CRLS1: variants seen among roughly 807,000 people sequenced by gnomAD.
CRLS1 encodes cardiolipin synthase 1.
Under a neutral mutation model 37.0 loss-of-function variants are expected in CRLS1, and 24 were observed. The ratio of observed to expected loss-of-function variants is 0.65; its 90% CI spans 0.47 to 0.91. The LOEUF (loss-of-function observed/expected upper bound fraction) is 0.91. Among genes scored for constraint, CRLS1 ranks in the 40% least tolerant of loss-of-function variants. The probability of loss-of-function intolerance (pLI) is 0.00; values close to 1 mark genes in which losing one functional copy is unlikely to be tolerated. For missense variants in CRLS1, 373 were observed against 395.8 expected, an observed-to-expected ratio of 0.94 and a Z score of 0.49; for synonymous variants, 135 against 159.7, an observed-to-expected ratio of 0.85 and a Z score of 1.17.
chr20:6,031,224 C>T, intron 3 of CRLS1, 61 bp from the exon 4 acceptor site: 1 of 1,058,134 alleles, frequency 9.5e-7, no homozygotes, highest in African/African-American at 1.6e-5. Context: ...TTATTGTATT[C>T]ATAATGCATA....
At position 6,034,471 on chromosome 20, in the gene CRLS1, C is replaced by G. The variant is rs774789705; in HGVS notation, c.737C>G (p.Thr246Arg). ...TTTTCTTTTTTTATTTAGGTGAATA[C>G]AGCAGTCCAGTTAATCTTGGTGGCA... is the stretch of plus-strand genomic sequence containing the variant. ...LKPTFISKVN[T>R]AVQLILVAAS... The change falls in exon 6 of 7, where the codon ACA (threonine) becomes AGA (arginine). Residue 246 changes from threonine to arginine, a missense_variant. Transcript: ENST00000378863. 1.9e-6 allele frequency: 3 copies of G among 1,611,154 alleles called. No homozygotes were observed. The highest frequency in any genetic ancestry group is 2.5e-6 in the Non-Finnish European group (3 of 1,178,840).
rs555806250 is a variant in CRLS1, at chr20:6,008,035, G to T, written c.306+1483G>T. ...TATTTAATTATCCCTCCAAGCTGAGGTGCTTTCTTGCTGGGTTTCTTTTAT... is the reference window on the plus strand; with the variant it reads ...TATTTAATTATCCCTCCAAGCTGAGTTGCTTTCTTGCTGGGTTTCTTTTAT... On this transcript the variant is annotated intron_variant, in intron 1 of 6. Coordinates refer to ENST00000378863, the MANE Select transcript of CRLS1 (RefSeq NM_019095.6). 2.1e-3 allele frequency among the ~76,000 whole-genome samples: 314 copies of T among 151,218 alleles called. 2 individuals carry two copies. Among genetic ancestry groups the T allele is most frequent in the African/African-American group, 7.5e-3 (308 of 41,254 alleles).
At chr20:6,026,779 C>T (rs1053447800) in intron 3 of CRLS1, among the ~76,000 whole-genome samples, 3 of 152,060 alleles carry the variant, frequency 2.0e-5, no homozygotes, top group Admixed American at 6.5e-5. Flanking sequence ...AAATGCCTTC[C>T]CACCAGGGTT....
intron 3 of CRLS1, among the ~76,000 whole-genome samples, chr20:6,025,962 A>G (rs1169305413): frequency 6.6e-6 from 1 of 152,206 alleles, no homozygotes; most frequent in Non-Finnish European, 1.5e-5. Flanking sequence ...GATGTCGTGA[A>G]CACTATTAAA....
At chr20:6,024,011 G>A (rs73072334) in intron 3 of CRLS1, among the ~76,000 whole-genome samples, 12,122 of 151,768 alleles carry the variant, frequency 0.08, 747 homozygotes, top group African/African-American at 0.17. Context: ...GGAATGCAGT[G>A]GTGTAATTAT....
At chr20:6,016,235 T>C (rs1478855760) in intron 3 of CRLS1, among the ~76,000 whole-genome samples, 4 of 152,194 alleles carry the variant, frequency 2.6e-5, no homozygotes, top group Non-Finnish European at 5.9e-5. Flanking sequence ...ACAAAGAAGC[T>C]GCCACATGGT....
At chr20:6,020,196 C>T (rs1568622820) in intron 3 of CRLS1, among the ~76,000 whole-genome samples, 4 of 152,092 alleles carry the variant, frequency 2.6e-5, no homozygotes. Context: ...TTGAGCAGTG[C>T]AGCTATAAGT....
intron 3 of CRLS1, among the ~76,000 whole-genome samples, chr20:6,027,854 G>A (rs953405042): frequency 1.3e-5 from 2 of 152,186 alleles, no homozygotes; most frequent in Non-Finnish European, 2.9e-5. Flanking sequence ...GTTAGGGAAC[G>A]CTTGGGGCGG....
intron 1 of CRLS1, among the ~76,000 whole-genome samples, chr20:6,008,675 C>A (rs1248572987): frequency 6.6e-6 from 1 of 152,208 alleles, no homozygotes; most frequent in African/African-American, 2.4e-5. Flanking sequence ...TCTCCATTTT[C>A]TTCTAGCAGT....
intron 6 of CRLS1, 25 bp from the exon 7 acceptor site, chr20:6,037,048 AT>A: frequency 6.4e-7 from 1 of 1,552,324 alleles, no homozygotes; most frequent in Non-Finnish European, 8.9e-7. Context: ...TGACAACTAC[AT>A]TTTATTTCTT....
chr20:6,014,028 C>T (rs1260477043), intron 2 of CRLS1, among the ~76,000 whole-genome samples: 1 of 152,122 alleles, frequency 6.6e-6, no homozygotes, highest in Non-Finnish European at 1.5e-5. Flanking sequence ...GGTCCCAGCT[C>T]CCCAGGCTAG....
chr20:6,016,454 GGTGTGT>G (rs61011560), intron 3 of CRLS1, among the ~76,000 whole-genome samples: 10 of 114,608 alleles, frequency 8.7e-5, no homozygotes, highest in African/African-American at 2.7e-4. Flanking sequence ...GGGGAATGGG[GGTGTGT>G]GTGTGTGTGT....
chr20:6,006,394 A>G lies in CRLS1; in HGVS notation c.148A>G (p.Arg50Gly). Reference protein sequence around the residue: ...CCLGCLAERWRLRPAALGLRL... With the variant: ...CCLGCLAERWGLRPAALGLRL... ...CTTGGGCTGCCTGGCCGAACGCTGG[A>G]GGCTGCGTCCGGCCGCTCTTGGCTT... is the stretch of plus-strand genomic sequence containing the variant. The change falls in exon 1 of 7, where the codon AGG becomes GGG. Residue 50 changes from arginine to glycine, a missense_variant. Physicochemically the swap from Arg to Gly is moderately radical, Grantham distance 125 (BLOSUM62 -2). Coordinates refer to ENST00000378863, the MANE Select transcript of CRLS1 (RefSeq NM_019095.6). 7.1e-7 allele frequency: 1 copy of G among 1,406,450 alleles called. No homozygotes were observed. Among genetic ancestry groups the G allele is most frequent in the Non-Finnish European group, 9.3e-7 (1 of 1,078,488 alleles). The allele number at this position is 1,406,450 out of a possible 1,614,324, so 87.1% of individuals were successfully genotyped here.
At chr20:6,034,322 T>C (rs1980393819) in intron 5 of CRLS1, 142 bp from the exon 6 acceptor site, 5 of 603,980 alleles carry the variant, frequency 8.3e-6, no homozygotes, top group South Asian at 4.0e-5. Context: ...GCAAGCTTAT[T>C]GGGCAGGGAT....
intron 2 of CRLS1, among the ~76,000 whole-genome samples, 165 bp downstream of exon 2, chr20:6,010,077 A>ATTTTTTTTTTTT (rs774859049): frequency 1.2e-5 from 1 of 81,644 alleles, no homozygotes; most frequent in Non-Finnish European, 2.4e-5. Context: ...TCTATATGGG[A>ATTTTTTTTTTTT]TTTTTTTTTT....
At chr20:6,028,914 G>A (rs1979929800) in intron 3 of CRLS1, among the ~76,000 whole-genome samples, 3 of 152,228 alleles carry the variant, frequency 2.0e-5, no homozygotes, top group African/African-American at 7.2e-5. Context: ...AACTCTAGAA[G>A]AGAAGAGGAG....
At chr20:6,026,273 A>C (rs1258525703) in intron 3 of CRLS1, 1 of 152,218 alleles carries the variant, frequency 6.6e-6, no homozygotes, top group Admixed American at 6.6e-5. Flanking sequence ...ATTATGACTC[A>C]TTAAAGGCTC....
At chr20:6,019,051 G>T (rs1978993222) in intron 3 of CRLS1, among the ~76,000 whole-genome samples, 1 of 151,684 alleles carries the variant, frequency 6.6e-6, no homozygotes, top group African/African-American at 2.4e-5. Flanking sequence ...CTCATAAAAT[G>T]AATTGGGGAC....
At chr20:6,007,397 C>T in intron 1 of CRLS1, 2 of 1,613,500 alleles carry the variant, frequency 1.2e-6, no homozygotes, top group Non-Finnish European at 1.7e-6. Flanking sequence ...AGTAGTTGGT[C>T]GAGTATGCCA....
Sources: gnomAD v4.1 joint callset for allele counts (sites outside exome capture counted in the v4.1 genomes callset) on GRCh38, gnomAD v4.1.1 for gene constraint, MANE v1.5 for transcripts, NCBI Gene and HGNC (gene_info 2026-07-23, HGNC 2026-07-21) for gene names.